CASK: variants seen among roughly 807,000 people sequenced by gnomAD.
CASK encodes the protein calcium/calmodulin dependent serine protein kinase.
A neutral mutation model predicts 82.9 loss-of-function variants in CASK; 4 were observed. That is an observed-to-expected ratio of 0.05 (90% CI 0.02 to 0.11). CASK has a LOEUF of 0.11. CASK is among the 10% of genes least tolerant of loss of function. CASK has a pLI of 1.00. For missense variants in CASK, 358 were observed against 720.9 expected, an observed-to-expected ratio of 0.50 and a Z score of 5.76; for synonymous variants, 259 against 253.5, an observed-to-expected ratio of 1.02 and a Z score of -0.20.
At chrX:41,872,211 C>G (rs779279747) in intron 1 of CASK, among the ~76,000 whole-genome samples, 78 of 112,816 alleles carry the variant, frequency 6.9e-4, no homozygotes, top group African/African-American at 2.3e-3. Context: ...TTTACAGAAA[C>G]AAGGTTGTCC....
At chrX:41,587,402 A>G (rs2065673134) in intron 13 of CASK, 1 of 117,344 alleles carries the variant, frequency 8.5e-6, no homozygotes, top group African/African-American at 3.2e-5. Flanking sequence ...AGAAATGTCA[A>G]AATGACACAG....
intron 11 of CASK, among the ~76,000 whole-genome samples, chrX:41,614,478 T>C (rs1335228129): frequency 8.9e-6 from 1 of 112,263 alleles, no homozygotes; most frequent in South Asian, 3.7e-4. Context: ...TGTGTGGATG[T>C]ACCAGTTTGT....
chrX:41,900,904 C>G (rs1389692137), intron 1 of CASK, among the ~76,000 whole-genome samples: 2 of 108,954 alleles, frequency 1.8e-5, no homozygotes, highest in African/African-American at 6.7e-5. Context: ...TGCCATGACA[C>G]CTGGCTAATT....
At chrX:41,544,608 G>A (rs1225245862) in intron 21 of CASK, among the ~76,000 whole-genome samples, 19 of 107,793 alleles carry the variant, frequency 1.8e-4, no homozygotes, top group African/African-American at 6.4e-4. Context: ...TCCTTAGCAG[G>A]GGATTTCCCA....
chrX:41,806,050 TA>T (rs2070117277), intron 2 of CASK, among the ~76,000 whole-genome samples: 1 of 111,229 alleles, frequency 9.0e-6, no homozygotes, highest in African/African-American at 3.3e-5. Flanking sequence ...ATTAAAGAAA[TA>T]AGAAATATTG....
intron 3 of CASK, among the ~76,000 whole-genome samples, chrX:41,765,052 T>A (rs779145083): frequency 8.9e-6 from 1 of 112,390 alleles, no homozygotes; most frequent in South Asian, 3.7e-4. Context: ...TCAATGACTC[T>A]GCCTACTATC....
chrX:41,696,272 A>C, intron 5 of CASK: 1 of 1,196,372 alleles, frequency 8.4e-7, no homozygotes, highest in Non-Finnish European at 1.1e-6. Context: ...AGCATAACGC[A>C]AAAGGAGAAG....
rs1173176043 is a variant in CASK, at chrX:41,561,651, AATT to A, written c.1583-10_1583-8del. Reference sequence around the variant, plus strand: ...TCACCAACATGAAGTGTACCTAAGAAATTATATAACATTATAAACATGAAATGA... The same window carrying A: ...TCACCAACATGAAGTGTACCTAAGAAATATAACATTATAAACATGAAATGA... On this transcript the variant is annotated splice_polypyrimidine_tract_variant and splice_region_variant and intron_variant, in intron 16 of 26. Coordinates refer to ENST00000378163, the MANE Select transcript of CASK (RefSeq NM_001367721.1). The A allele has an allele frequency of 1.8e-6, 2 of 1,109,216 alleles. No individual in the cohort carries two copies. The highest frequency in any genetic ancestry group is 3.6e-5 in the African/African-American group (2 of 55,543). 91.4% of individuals were successfully genotyped at this position (1,109,216 alleles called of 1,213,427 possible). A position where few individuals can be genotyped will look rare whatever the true frequency, so the allele number is the denominator to read the frequency against.
At chrX:41,600,137 G>A (rs549154288) in intron 12 of CASK, among the ~76,000 whole-genome samples, 1 of 111,934 alleles carries the variant, frequency 8.9e-6, no homozygotes, top group Admixed American at 9.5e-5. Flanking sequence ...CATTAGGTGT[G>A]TCAGATAATA....
intron 1 of CASK, among the ~76,000 whole-genome samples, chrX:41,882,999 G>C (rs1031482574): frequency 4.5e-5 from 5 of 111,774 alleles, no homozygotes; most frequent in Non-Finnish European, 9.4e-5. Context: ...TCAAGGAAAA[G>C]AAAAGACTTT....
chrX:41,819,918 T>A (rs5964056), intron 2 of CASK, among the ~76,000 whole-genome samples: 1,175 of 111,745 alleles, frequency 0.011, 14 homozygotes, highest in African/African-American at 0.035. Context: ...TAAAACAAAT[T>A]CTTGAATCTA....
At chrX:41,713,763 T>C (rs941377064) in intron 5 of CASK, among the ~76,000 whole-genome samples, 1 of 110,255 alleles carries the variant, frequency 9.1e-6, no homozygotes, top group South Asian at 3.9e-4. Flanking sequence ...GAAAGGAGAG[T>C]CATGGGACTC....
chrX:41,899,956 G>T (rs1034495643), intron 1 of CASK, among the ~76,000 whole-genome samples: 1 of 110,969 alleles, frequency 9.0e-6, no homozygotes, highest in South Asian at 3.7e-4. Flanking sequence ...AGTGGGACAT[G>T]AACTCCCACA....
intron 24 of CASK, among the ~76,000 whole-genome samples, chrX:41,532,305 T>C (rs1269638884): frequency 8.9e-6 from 1 of 112,258 alleles, no homozygotes; most frequent in East Asian, 2.8e-4. Flanking sequence ...ACATATTGCC[T>C]ATGGTTGTTT....
At chrX:41,651,011 T>A (rs892333184) in intron 8 of CASK, among the ~76,000 whole-genome samples, 1 of 112,252 alleles carries the variant, frequency 8.9e-6, no homozygotes, top group African/African-American at 3.2e-5. Context: ...CGTCTTAAAC[T>A]TTTTCATTTA....
intron 11 of CASK, among the ~76,000 whole-genome samples, chrX:41,618,055 G>C (rs1052487776): frequency 1.8e-5 from 2 of 111,660 alleles, no homozygotes; most frequent in African/African-American, 3.3e-5. Context: ...AGAGTCCTTT[G>C]TACCAAGACA....
intron 5 of CASK, among the ~76,000 whole-genome samples, chrX:41,738,368 G>A (rs747083705): frequency 2.3e-4 from 26 of 112,552 alleles, no homozygotes; most frequent in Non-Finnish European, 4.3e-4. Context: ...TGAAAAGGAT[G>A]AGTGAGATAT....
At chrX:41,856,632 G>A (rs2071375147) in intron 1 of CASK, among the ~76,000 whole-genome samples, 1 of 109,705 alleles carries the variant, frequency 9.1e-6, no homozygotes, top group African/African-American at 3.3e-5. Flanking sequence ...TAAAACATAG[G>A]GTCTCTGAAA....
intron 5 of CASK, among the ~76,000 whole-genome samples, chrX:41,737,228 T>G (rs962111541): frequency 9.0e-6 from 1 of 111,599 alleles, no homozygotes; most frequent in Non-Finnish European, 1.9e-5. Context: ...CCCAGCCAGC[T>G]CCCAGCTGTT....
Sources: gnomAD v4.1 joint callset for allele counts (sites outside exome capture counted in the v4.1 genomes callset) on GRCh38, gnomAD v4.1.1 for gene constraint, MANE v1.5 for transcripts, NCBI Gene and HGNC (gene_info 2026-07-23, HGNC 2026-07-21) for gene names.